The following AGMO variants were observed in gnomAD, a reference collection of about 807,000 sequenced individuals.
AGMO encodes the protein alkylglycerol monooxygenase, also known as glyceryl-ether monooxygenase.
In AGMO, 75 loss-of-function variants were observed where a neutral mutation model predicts 60.2. That is an observed-to-expected ratio of 1.25 (90% CI 1.03 to 1.51). The LOEUF (loss-of-function observed/expected upper bound fraction) is 1.51, where lower values mean the gene tolerates loss of function less well. AGMO is among the 40% of genes most tolerant of loss of function. AGMO has a pLI of 0.00. For synonymous variants in AGMO, 261 were observed against 177.1 expected, an observed-to-expected ratio of 1.47 and a Z score of -3.76; for missense variants, 763 against 525.5, an observed-to-expected ratio of 1.45 and a Z score of -4.42.
chr7:15,162,106 TCCCC>T, the AGMO span, among the ~76,000 whole-genome samples: 1 of 151,942 alleles, frequency 6.6e-6, no homozygotes, highest in African/African-American at 2.4e-5. Context: ...AATGGAAGTT[TCCCC>T]TGTGCTTTGG....
chr7:15,286,873 C>G (rs1006152611), intron 12 of AGMO, among the ~76,000 whole-genome samples: 4 of 152,056 alleles, frequency 2.6e-5, no homozygotes, highest in African/African-American at 9.7e-5. Context: ...TATATATACA[C>G]CATGGAATAT....
intron 3 of AGMO, among the ~76,000 whole-genome samples, chr7:15,489,077 T>C (rs1398511482): frequency 1.3e-5 from 2 of 152,300 alleles, no homozygotes; most frequent in Middle Eastern, 6.8e-3. Context: ...CAAACTAGTA[T>C]GAACACTGCC....
At chr7:15,469,680 A>T (rs1020102781) in intron 3 of AGMO, among the ~76,000 whole-genome samples, 4 of 152,152 alleles carry the variant, frequency 2.6e-5, no homozygotes, top group Admixed American at 2.6e-4. Flanking sequence ...AGAAAAAAAA[A>T]GTTAATGTTC....
At chr7:15,139,157 G>C in the AGMO span, among the ~76,000 whole-genome samples, 2 of 152,072 alleles carry the variant, frequency 1.3e-5, no homozygotes, top group Admixed American at 6.6e-5. Flanking sequence ...TGTAACTCCA[G>C]GTAACATATA....
At chr7:15,258,419 C>A (rs1783165550) in intron 12 of AGMO, among the ~76,000 whole-genome samples, 1 of 151,936 alleles carries the variant, frequency 6.6e-6, no homozygotes. Context: ...GTGGCAGGCG[C>A]CTGTAGTCCC....
intron 12 of AGMO, among the ~76,000 whole-genome samples, chr7:15,269,387 A>G (rs768432307): frequency 4.6e-5 from 7 of 152,100 alleles, no homozygotes; most frequent in Non-Finnish European, 8.8e-5. Context: ...AAGGCAAGTG[A>G]GCACATGAGA....
chr7:15,210,087 G>C (rs1026647244), intron 12 of AGMO, among the ~76,000 whole-genome samples: 1 of 152,040 alleles, frequency 6.6e-6, no homozygotes. Context: ...CCTATCAACT[G>C]CTGGGAAGGA....
At chr7:15,373,841 G>T (rs986955479) in intron 10 of AGMO, among the ~76,000 whole-genome samples, 3 of 152,048 alleles carry the variant, frequency 2.0e-5, no homozygotes, top group African/African-American at 4.8e-5. Flanking sequence ...TCTCTAAAAG[G>T]TGCCTGACAA....
chr7:15,545,884 GAATT>G (rs1784767133), intron 2 of AGMO, among the ~76,000 whole-genome samples: 1 of 151,740 alleles, frequency 6.6e-6, no homozygotes, highest in Non-Finnish European at 1.5e-5. Context: ...AATATAAAAT[GAATT>G]AATCATTCTA....
chr7:15,226,469 G>A (rs751427867), intron 12 of AGMO, among the ~76,000 whole-genome samples: 2 of 151,968 alleles, frequency 1.3e-5, no homozygotes, highest in African/African-American at 2.4e-5. Context: ...TACAAAATCA[G>A]TTACAACAGA....
intron 12 of AGMO, among the ~76,000 whole-genome samples, chr7:15,211,505 T>C (rs1228928088): frequency 3.3e-5 from 5 of 151,982 alleles, no homozygotes; most frequent in African/African-American, 1.2e-4. Context: ...GATTGATCAT[T>C]TGTTTGGAGT....
chr7:15,151,067 A>G, the AGMO span, among the ~76,000 whole-genome samples: 2 of 152,022 alleles, frequency 1.3e-5, no homozygotes, highest in Non-Finnish European at 2.9e-5. Flanking sequence ...ATCTCTGGGA[A>G]TGTATTTATT....
At chr7:15,365,404 T>C (rs899917622) in intron 12 of AGMO, 110 bp downstream of exon 12, 3 of 223,160 alleles carry the variant, frequency 1.3e-5, no homozygotes, top group Non-Finnish European at 7.3e-6. Context: ...AAGATCAAGA[T>C]TTCCCACATG....
At chr7:15,487,246 A>T (rs1432043756) in intron 3 of AGMO, among the ~76,000 whole-genome samples, 1 of 152,160 alleles carries the variant, frequency 6.6e-6, no homozygotes, top group Non-Finnish European at 1.5e-5. Flanking sequence ...GTAAATGTAA[A>T]ACAAAATAGA....
intron 12 of AGMO, among the ~76,000 whole-genome samples, chr7:15,319,798 T>G (rs542484238): frequency 6.6e-6 from 1 of 152,168 alleles, no homozygotes; most frequent in Non-Finnish European, 1.5e-5. Flanking sequence ...TAATTATTAT[T>G]ATATGTCTTT....
At chr7:15,546,847 T>C (rs1784794759) in intron 2 of AGMO, among the ~76,000 whole-genome samples, 1 of 152,220 alleles carries the variant, frequency 6.6e-6, no homozygotes, top group Non-Finnish European at 1.5e-5. Flanking sequence ...AGATGAGGGC[T>C]TCACAACAGT....
intron 4 of AGMO, among the ~76,000 whole-genome samples, chr7:15,419,194 T>A (rs1005289560): frequency 6.6e-6 from 1 of 151,948 alleles, no homozygotes; most frequent in Non-Finnish European, 1.5e-5. Flanking sequence ...TCGAAGTTAT[T>A]AGGAAGGAGG....
the AGMO span, among the ~76,000 whole-genome samples, chr7:15,126,870 G>A: frequency 2.0e-5 from 3 of 152,088 alleles, no homozygotes; most frequent in Non-Finnish European, 4.4e-5. Context: ...GGTCTGATAA[G>A]AAACATTTTA....
chr7:15,426,810 G>T (rs763008790), intron 4 of AGMO, among the ~76,000 whole-genome samples: 1 of 152,038 alleles, frequency 6.6e-6, no homozygotes, highest in Non-Finnish European at 1.5e-5. Flanking sequence ...AATTTTCCAG[G>T]CAGAGGTAAT....
Sources: allele counts gnomAD v4.1 joint callset (sites outside exome capture counted in the v4.1 genomes callset), GRCh38; gene constraint gnomAD v4.1.1; transcripts MANE v1.5; gene names NCBI Gene and HGNC (gene_info 2026-07-23, HGNC 2026-07-21).